The following CHIC1 variants were observed in gnomAD, a reference collection of about 807,000 sequenced individuals.
The protein encoded by CHIC1 is cysteine-rich hydrophobic domain-containing protein 1.
In CHIC1, 7 loss-of-function variants were observed where a neutral mutation model predicts 18.5. That is an observed-to-expected ratio of 0.38 (90% CI 0.22 to 0.71). The LOEUF (loss-of-function observed/expected upper bound fraction) is 0.71, where lower values mean the gene tolerates loss of function less well. CHIC1 is among the 30% of genes least tolerant of loss of function. The pLI is 0.49. For synonymous variants in CHIC1, 77 were observed against 73.5 expected (o/e 1.05, Z -0.25); for missense variants, 159 against 176.9 (o/e 0.90, Z 0.57).
At chrX:73,569,279 G>A (rs1347422805) in intron 1 of CHIC1, among the ~76,000 whole-genome samples, 4 of 111,157 alleles carry the variant, frequency 3.6e-5, no homozygotes, top group African/African-American at 1.3e-4. Context: ...CTGGTATATA[G>A]CCATTTTCAA....
intron 3 of CHIC1, among the ~76,000 whole-genome samples, chrX:73,641,242 T>A (rs1171149684): frequency 1.8e-5 from 2 of 111,077 alleles, no homozygotes; most frequent in Non-Finnish European, 3.8e-5. Flanking sequence ...TGCTGAGGAT[T>A]GTTTTGTCTG....
chrX:73,622,916 A>T (rs1002897520), intron 3 of CHIC1, among the ~76,000 whole-genome samples: 2 of 111,817 alleles, frequency 1.8e-5, no homozygotes, highest in East Asian at 2.8e-4. Flanking sequence ...CAAAGAACTT[A>T]CTTATTTCTA....
rs1050336044 is a variant in CHIC1, at chrX:73,611,426, A to G, written c.507+26854A>G. 1.8e-5 allele frequency among the ~76,000 whole-genome samples: 2 copies of G among 108,808 alleles called. 1 individual carries two copies. Among genetic ancestry groups the G allele is most frequent in the African/African-American group, 7.2e-5 (2 of 27,941 alleles). The allele number at this position is 108,808 out of a possible 115,157, so 94.5% of individuals were successfully genotyped here. ...TCTTAATCTGGTCTATCGTTGTTGG[A>G]CATTTGGGTTGGTTCCAAGTCTTTG... On this transcript the variant is annotated intron_variant, in intron 3 of 5. Transcript: ENST00000373502.
chrX:73,628,420 C>T (rs2057793113), intron 3 of CHIC1, among the ~76,000 whole-genome samples: 1 of 112,093 alleles, frequency 8.9e-6, no homozygotes, highest in Admixed American at 9.4e-5. Context: ...AGACAGAGGG[C>T]TGTAGCCCTT....
intron 3 of CHIC1, among the ~76,000 whole-genome samples, chrX:73,650,118 C>G (rs1374253549): frequency 9.0e-6 from 1 of 111,126 alleles, no homozygotes; most frequent in African/African-American, 3.3e-5. Flanking sequence ...AGGCAGGAAT[C>G]AAGTTCTTTG....
intron 3 of CHIC1, among the ~76,000 whole-genome samples, chrX:73,613,105 T>C (rs2057716665): frequency 8.9e-6 from 1 of 112,394 alleles, no homozygotes; most frequent in Non-Finnish European, 1.9e-5. Context: ...TCTTAAAGTT[T>C]GTTTTATCTG....
chrX:73,636,528 G>T (rs752891826), intron 3 of CHIC1, among the ~76,000 whole-genome samples: 1 of 111,397 alleles, frequency 9.0e-6, no homozygotes, highest in South Asian at 3.7e-4. Flanking sequence ...AAAAAATATG[G>T]TAAGTAAAAA....
At chrX:73,584,681 G>A (rs1603340596) in intron 3 of CHIC1, 109 bp downstream of exon 3, 1 of 533,584 alleles carries the variant, frequency 1.9e-6, no homozygotes, top group Non-Finnish European at 2.8e-6. Context: ...GTTAATTCTT[G>A]TAACAATGCT....
chrX:73,593,047 T>C (rs1323578816), intron 3 of CHIC1, among the ~76,000 whole-genome samples: 1 of 110,980 alleles, frequency 9.0e-6, no homozygotes. Flanking sequence ...AGATTGGTTG[T>C]AATGTCTCCT....
chrX:73,656,785 G>C (rs1006183250), intron 3 of CHIC1, among the ~76,000 whole-genome samples: 6 of 111,986 alleles, frequency 5.4e-5, no homozygotes, highest in African/African-American at 1.9e-4. Flanking sequence ...GGCCATTCAA[G>C]CTCTTTTTTT....
chrX:73,619,328 C>T (rs1260984010), intron 3 of CHIC1, among the ~76,000 whole-genome samples: 3 of 111,238 alleles, frequency 2.7e-5, no homozygotes, highest in Admixed American at 1.9e-4. Flanking sequence ...CTCCTATCTG[C>T]CGTTTTTCTT....
At chrX:73,653,259 G>C (rs1228035113) in intron 3 of CHIC1, among the ~76,000 whole-genome samples, 4 of 110,127 alleles carry the variant, frequency 3.6e-5, no homozygotes, top group Non-Finnish European at 7.6e-5. Flanking sequence ...CTAGAGGACG[G>C]GTCAATAGAT....
intron 3 of CHIC1, among the ~76,000 whole-genome samples, chrX:73,646,864 A>C (rs942224679): frequency 1.8e-5 from 2 of 110,003 alleles, no homozygotes; most frequent in Admixed American, 1.9e-4. Context: ...TATCCATAAA[A>C]TCTTTGACCC....
chrX:73,608,590 A>T (rs1016819697), intron 3 of CHIC1, among the ~76,000 whole-genome samples: 1 of 107,797 alleles, frequency 9.3e-6, no homozygotes, highest in African/African-American at 3.6e-5. Context: ...GTGGTTTTCT[A>T]TGTATCAGTG....
At chrX:73,584,665 A>T (rs1397322969) in intron 3 of CHIC1, 93 bp downstream of exon 3, 1 of 605,524 alleles carries the variant, frequency 1.7e-6, no homozygotes, top group African/African-American at 2.3e-5. Flanking sequence ...TACTTTACAC[A>T]ATTTAGTTAA....
At chrX:73,628,211 A>AG (rs2057792273) in intron 3 of CHIC1, among the ~76,000 whole-genome samples, 1 of 111,454 alleles carries the variant, frequency 9.0e-6, no homozygotes, top group Non-Finnish European at 1.9e-5. Flanking sequence ...AAGTTGAAGG[A>AG]GGGGGTCTCT....
intron 1 of CHIC1, among the ~76,000 whole-genome samples, chrX:73,571,713 A>T (rs1404967350): frequency 2.7e-5 from 3 of 111,502 alleles, no homozygotes; most frequent in Admixed American, 9.5e-5. Flanking sequence ...GGATTTTTTT[A>T]AAATGTAGTT....
At chrX:73,670,106 A>G (rs774349685) in intron 3 of CHIC1, among the ~76,000 whole-genome samples, 1 of 111,444 alleles carries the variant, frequency 9.0e-6, no homozygotes, top group Non-Finnish European at 1.9e-5. Context: ...GCCGTGAGAG[A>G]AGCATGGTTT....
chrX:73,650,289 G>A (rs757015353), intron 3 of CHIC1, among the ~76,000 whole-genome samples: 16 of 111,318 alleles, frequency 1.4e-4, no homozygotes, highest in African/African-American at 5.2e-4. Context: ...AGAAGCAAGA[G>A]CAAACAAATC....
Sources: allele counts gnomAD v4.1 joint callset (sites outside exome capture counted in the v4.1 genomes callset), GRCh38; gene constraint gnomAD v4.1.1; transcripts MANE v1.5; gene names NCBI Gene and HGNC (gene_info 2026-07-23, HGNC 2026-07-21).